The following POU6F2 variants were observed in gnomAD, a reference collection of about 807,000 sequenced individuals.
The protein encoded by POU6F2 is POU class 6 homeobox 2, also known as POU domain, class 6, transcription factor 2.
In POU6F2, 31 loss-of-function variants were observed where a neutral mutation model predicts 71.3. That is an observed-to-expected ratio of 0.43 (90% CI 0.33 to 0.59). POU6F2 has a LOEUF of 0.59. Ranked by LOEUF, POU6F2 falls within the 20% of genes least tolerant of loss-of-function variation. The pLI, the probability that POU6F2 is intolerant of heterozygous loss-of-function variation, is 0.04. For synonymous variants in POU6F2, 347 were observed against 355.7 expected (o/e 0.98, Z 0.27); for missense variants, 783 against 856.8 (o/e 0.91, Z 1.07).
At chr7:39,380,121 T>G (rs1034201661) in intron 5 of POU6F2, among the ~76,000 whole-genome samples, 1 of 152,178 alleles carries the variant, frequency 6.6e-6, no homozygotes, top group Non-Finnish European at 1.5e-5. Flanking sequence ...ATATAGATGC[T>G]CCCACTGAAT....
At chr7:39,339,076 A>AT (rs1785850143) in intron 4 of POU6F2, among the ~76,000 whole-genome samples, 2 of 100,476 alleles carry the variant, frequency 2.0e-5, no homozygotes, top group Non-Finnish European at 2.2e-5. Flanking sequence ...ACTGCTTTTG[A>AT]ATTTTTAAAA....
At chr7:39,134,000 G>A (rs939343606) in intron 2 of POU6F2, among the ~76,000 whole-genome samples, 1 of 151,966 alleles carries the variant, frequency 6.6e-6, no homozygotes, top group Non-Finnish European at 1.5e-5. Context: ...TCAGCCTCCT[G>A]AGTAGCTGGA....
intron 4 of POU6F2, among the ~76,000 whole-genome samples, chr7:39,287,544 A>G (rs1375593981): frequency 6.6e-6 from 1 of 152,226 alleles, no homozygotes; most frequent in African/African-American, 2.4e-5. Context: ...TCATGTATGC[A>G]GAGTACTATG....
intron 4 of POU6F2, among the ~76,000 whole-genome samples, chr7:39,329,531 G>A (rs1460294817): frequency 6.6e-6 from 1 of 152,078 alleles, no homozygotes; most frequent in East Asian, 1.9e-4. Context: ...GCCCCCTTAC[G>A]GAAAGTCAAA....
intron 4 of POU6F2, among the ~76,000 whole-genome samples, chr7:39,217,628 C>T (rs758808118): frequency 1.3e-5 from 2 of 152,176 alleles, no homozygotes; most frequent in Non-Finnish European, 2.9e-5. Context: ...TTGAAAATAC[C>T]TAGTGCATAA....
At chr7:39,014,290 G>T (rs1156944661) in intron 1 of POU6F2, among the ~76,000 whole-genome samples, 1 of 152,252 alleles carries the variant, frequency 6.6e-6, no homozygotes, top group African/African-American at 2.4e-5. Flanking sequence ...ACAGGAGATT[G>T]TTTCAGACAG....
At chr7:39,419,062 C>T (rs545994994) in intron 6 of POU6F2, among the ~76,000 whole-genome samples, 22 of 129,280 alleles carry the variant, frequency 1.7e-4, no homozygotes, top group African/African-American at 3.6e-4. Context: ...CACATATATA[C>T]ACATATATAC....
intron 2 of POU6F2, among the ~76,000 whole-genome samples, chr7:39,129,745 A>C (rs1318546719): frequency 6.6e-6 from 1 of 152,130 alleles, no homozygotes; most frequent in African/African-American, 2.4e-5. Context: ...TTCAAACTTC[A>C]AAGGGCATTA....
chr7:39,432,132 A>G (rs187089247), intron 6 of POU6F2, among the ~76,000 whole-genome samples: 65 of 152,204 alleles, frequency 4.3e-4, no homozygotes, highest in African/African-American at 1.5e-3. Context: ...CAGTCTGTCC[A>G]TTTGCTGTTT....
chr7:39,436,721 C>T (rs1788253818), intron 7 of POU6F2, among the ~76,000 whole-genome samples: 1 of 152,166 alleles, frequency 6.6e-6, no homozygotes, highest in Non-Finnish European at 1.5e-5. Flanking sequence ...GGGAATGCTT[C>T]CAGCTTTTGC....
chr7:39,016,047 T>TAA (rs1554308227), intron 1 of POU6F2, among the ~76,000 whole-genome samples: 16 of 56,748 alleles, frequency 2.8e-4, no homozygotes, highest in South Asian at 2.0e-3. Context: ...ATATTATATA[T>TAA]TATATATATT....
intron 4 of POU6F2, among the ~76,000 whole-genome samples, chr7:39,264,340 C>T (rs574762719): frequency 6.6e-6 from 1 of 152,250 alleles, no homozygotes; most frequent in African/African-American, 2.4e-5. Flanking sequence ...TTCAAATGCA[C>T]TTGGACGCCC....
chr7:39,115,716 C>T (rs1562711880), intron 2 of POU6F2, among the ~76,000 whole-genome samples: 1 of 152,118 alleles, frequency 6.6e-6, no homozygotes, highest in Non-Finnish European at 1.5e-5. Context: ...TTCCGGAGCT[C>T]AGTATCAGGC....
At chr7:39,408,479 C>G (rs897880222) in intron 6 of POU6F2, among the ~76,000 whole-genome samples, 2 of 152,188 alleles carry the variant, frequency 1.3e-5, no homozygotes, top group Non-Finnish European at 2.9e-5. Context: ...TTGCCAAACC[C>G]CAGGGATAGC....
chr7:39,460,710 C>G lies in POU6F2; in HGVS notation c.1653C>G (p.Ile551Met). The change falls in exon 9 of 10, where the codon ATC becomes ATG. Residue 551 changes from isoleucine (I) to methionine (M), a missense_variant. Physicochemically the swap from Ile to Met is conservative, Grantham distance 10. Coordinates refer to ENST00000518318, the MANE Select transcript of POU6F2 (RefSeq NM_001370959.1). This position sits in a 1 kb window ranked among gnomAD's most constrained non-coding sequence, Gnocchi z 4.4. ...TEGPAYSQSA[I>M]CRHTILRSHF... Reference sequence around the variant, plus strand: ...GCCCCGCGTACAGCCAGTCGGCCATCTGCAGGTAACGCGCGCCTGCATGCT... The same window carrying G: ...GCCCCGCGTACAGCCAGTCGGCCATGTGCAGGTAACGCGCGCCTGCATGCT... 6.3e-7 allele frequency: 1 copy of G among 1,597,112 alleles called. No homozygotes were observed. Among genetic ancestry groups the G allele is most frequent in the South Asian group, 1.1e-5 (1 of 88,526 alleles).
chr7:38,987,358 A>G (rs1788489171), intron 1 of POU6F2, among the ~76,000 whole-genome samples: 1 of 152,138 alleles, frequency 6.6e-6, no homozygotes, highest in Non-Finnish European at 1.5e-5. Context: ...GCTCCAAGCC[A>G]CCAAACTCAA....
chr7:39,421,690 G>A (rs967480953), intron 6 of POU6F2, among the ~76,000 whole-genome samples: 2 of 152,010 alleles, frequency 1.3e-5, no homozygotes, highest in Non-Finnish European at 2.9e-5. Flanking sequence ...GGGTTTTGTT[G>A]TTGTTGTTTG....
intron 5 of POU6F2, 36 bp from the exon 6 acceptor site, chr7:39,406,564 C>A: frequency 6.2e-7 from 1 of 1,605,166 alleles, no homozygotes; most frequent in South Asian, 1.1e-5. Context: ...CTGTGCCTCT[C>A]GGTGGTTTTC....
chr7:39,144,595 G>A (rs965017465), intron 2 of POU6F2, among the ~76,000 whole-genome samples: 8 of 152,174 alleles, frequency 5.3e-5, no homozygotes, highest in African/African-American at 1.7e-4. Flanking sequence ...GGCCTTTGGA[G>A]TGTGAATAAG....
Sources: allele counts gnomAD v4.1 joint callset (sites outside exome capture counted in the v4.1 genomes callset), GRCh38; gene constraint gnomAD v4.1.1; non-coding constraint Gnocchi (gnomAD v3.1); transcripts MANE v1.5; gene names NCBI Gene and HGNC (gene_info 2026-07-23, HGNC 2026-07-21).